The following MAEA variants were observed in gnomAD, a reference collection of about 807,000 sequenced individuals.
MAEA encodes macrophage erythroblast attacher, E3 ubiquitin ligase, also known as E3 ubiquitin-protein transferase MAEA.
In MAEA, 22 loss-of-function variants were observed where a neutral mutation model predicts 46.2. That is an observed-to-expected ratio of 0.48 (90% CI 0.34 to 0.68). The LOEUF (loss-of-function observed/expected upper bound fraction) is 0.68. Among genes scored for constraint, MAEA ranks in the 30% least tolerant of loss-of-function variants. The pLI is 0.01. For synonymous variants in MAEA, 246 were observed against 222.6 expected, an observed-to-expected ratio of 1.11 and a Z score of -0.94; for missense variants, 393 against 558.1, an observed-to-expected ratio of 0.70 and a Z score of 2.98.
Position 1,311,965 on chromosome 4 carries a change from T to C in MAEA, c.70-14T>C, listed in dbSNP as rs896065628. ...CAGGGGAGCAGATCCCTCACCATCC[T>C]CCTTCCTCTCCAGGTGCCCTACGAG... On this transcript the variant is annotated splice_polypyrimidine_tract_variant and intron_variant, in intron 1 of 8. Transcript: ENST00000303400. The surrounding 1 kb of genome is among the most constrained non-coding windows in gnomAD (Gnocchi z 4.4). 15 of 1,599,562 alleles carry C rather than the reference T, an allele frequency of 9.4e-6. No individual in the cohort carries two copies. The highest frequency in any genetic ancestry group is 1.3e-5 in the Non-Finnish European group (15 of 1,169,260).
intron 4 of MAEA, among the ~76,000 whole-genome samples, chr4:1,325,527 C>G (rs1560373066): frequency 6.6e-6 from 1 of 152,220 alleles, no homozygotes; most frequent in African/African-American, 2.4e-5. Flanking sequence ...TTTGAGGTGT[C>G]TATTGTGTGA....
chr4:1,309,819 C>A (rs1736257414), intron 1 of MAEA: 3 of 1,373,498 alleles, frequency 2.2e-6, no homozygotes, highest in Non-Finnish European at 2.8e-6. Context: ...CTGTCTGCAG[C>A]ACACCAGCTG....
chr4:1,315,817 TCCC>T (rs1275771300), intron 3 of MAEA, among the ~76,000 whole-genome samples: 4 of 6,470 alleles, frequency 6.2e-4, no homozygotes, highest in Non-Finnish European at 1.3e-3. Context: ...CGTGTCCCCC[TCCC>T]CCCATGTGCA....
chr4:1,323,412 C>A, intron 4 of MAEA: 1 of 692,422 alleles, frequency 1.4e-6, no homozygotes, highest in African/African-American at 1.8e-5. Context: ...GTCTTCTAAA[C>A]TGAGCGCTGC....
chr4:1,296,523 TTTGCCTTG>T (rs201418151), intron 1 of MAEA, among the ~76,000 whole-genome samples: 4 of 141,446 alleles, frequency 2.8e-5, no homozygotes, highest in African/African-American at 1.2e-4. Flanking sequence ...TGCTGTGCCC[TTTGCCTTG>T]TGGCTGCTCC....
chr4:1,297,052 C>G (rs1310139774), intron 1 of MAEA, among the ~76,000 whole-genome samples: 1 of 152,194 alleles, frequency 6.6e-6, no homozygotes, highest in Non-Finnish European at 1.5e-5. Flanking sequence ...TCCCGGAGCT[C>G]TCTTCGCATG....
rs1264622528 is a variant in MAEA, at chr4:1,311,110, C to G, written c.70-869C>G. ...GCTGGAGAGGAGGCGAGGTGGAGCG[C>G]TTGTTCTGGCACAGCTGCGACGGCA... On this transcript the variant is annotated intron_variant, in intron 1 of 8. Coordinates refer to ENST00000303400, the MANE Select transcript of MAEA (RefSeq NM_001017405.3). The surrounding 1 kb of genome is among the most constrained non-coding windows in gnomAD (Gnocchi z 4.4). Among the ~76,000 whole-genome samples the G allele has an allele frequency of 6.6e-6, 1 of 152,202 alleles. No individual in the cohort carries two copies. The highest frequency in any genetic ancestry group is 2.4e-5 in the African/African-American group (1 of 41,462).
At chr4:1,335,262 G>T in intron 6 of MAEA, 1 of 985,476 alleles carries the variant, frequency 1.0e-6, no homozygotes, top group Non-Finnish European at 1.2e-6. Context: ...CTAATGCTCT[G>T]AGGTGCACTC....
chr4:1,305,773 G>A (rs772186146), intron 1 of MAEA, among the ~76,000 whole-genome samples: 3 of 68,882 alleles, frequency 4.4e-5, no homozygotes, highest in Non-Finnish European at 1.5e-4. Context: ...GCACGCGTGC[G>A]TGTAAGGAGC....
intron 6 of MAEA, chr4:1,335,231 C>T (rs1026532185): frequency 6.1e-6 from 6 of 985,492 alleles, no homozygotes; most frequent in Non-Finnish European, 6.0e-6. Flanking sequence ...CATGATTTCT[C>T]TGAAGTAAGA....
At position 1,292,562 on chromosome 4, in the gene MAEA, G is replaced by A. The variant is rs35811194; in HGVS notation, c.69+2580G>A. Reference sequence around the variant, plus strand: ...GTTTGGGCTGGAGGAGCCTTTGTCGGTGGTGGGGGCTGTGCAGTCTAGGAT... The same window carrying A: ...GTTTGGGCTGGAGGAGCCTTTGTCGATGGTGGGGGCTGTGCAGTCTAGGAT... On this transcript the variant is annotated intron_variant, in intron 1 of 8. Transcript: ENST00000303400. Among the ~76,000 whole-genome samples, 653 of 152,316 alleles carry A rather than the reference G, an allele frequency of 4.3e-3. 21 individuals carry two copies. Among genetic ancestry groups the A allele is most frequent in the Admixed American group, 0.039 (600 of 15,306 alleles).
At chr4:1,328,592 A>G (rs1293899373) in intron 5 of MAEA, 202 of 1,199,384 alleles carry the variant, frequency 1.7e-4, no homozygotes, top group Non-Finnish European at 2.1e-4. Flanking sequence ...GCACCTGTCC[A>G]TGCCCACAGA....
rs764529706 is a variant in MAEA, at chr4:1,315,497, G to A, written c.353G>A (p.Ser118Asn). ...AGCAGCGACCAGCCCGCGGCGGCCA[G>A]CGTGTGGAAGAGGAAGCGCATGGAT... ...EHSSDQPAAA[S>N]VWKRKRMDRM... The change falls in exon 3 of 9, where the codon AGC becomes AAC. Residue 118 changes from serine to asparagine, a missense_variant. Ser to Asn is a conservative substitution (Grantham distance 46, BLOSUM62 1). Coordinates refer to ENST00000303400, the MANE Select transcript of MAEA (RefSeq NM_001017405.3). 4 of 1,613,922 alleles carry A rather than the reference G, an allele frequency of 2.5e-6. No homozygotes were observed. The African/African-American group carries it at 5.3e-5, about 22-fold the overall frequency.
At chr4:1,332,723 G>T (rs760601793) in intron 5 of MAEA, 34 bp from the exon 6 acceptor site, 3 of 1,555,176 alleles carry the variant, frequency 1.9e-6, no homozygotes, top group South Asian at 1.1e-5. Flanking sequence ...AAATTAAAAC[G>T]CAAACTTAAA....
intron 3 of MAEA, among the ~76,000 whole-genome samples, chr4:1,315,928 T>C (rs1452223331): frequency 7.8e-6 from 1 of 128,626 alleles, no homozygotes; most frequent in Non-Finnish European, 1.6e-5. Context: ...GTGTCTGCGC[T>C]GTGGTGAGGG....
intron 5 of MAEA, among the ~76,000 whole-genome samples, chr4:1,328,190 G>A (rs11726179): frequency 0.14 from 21,118 of 152,152 alleles, 2,590 homozygotes; most frequent in East Asian, 0.42. Flanking sequence ...GCCTGTCTCC[G>A]ACCCAAGGGC....
chr4:1,330,501 G>A (rs569258036), intron 5 of MAEA: 3 of 152,014 alleles, frequency 2.0e-5, no homozygotes, highest in African/African-American at 7.2e-5. Context: ...ATTTTTAGTA[G>A]AGATGGGGTT....
At chr4:1,326,499 A>G (rs1400406840) in intron 4 of MAEA, among the ~76,000 whole-genome samples, 4 of 152,032 alleles carry the variant, frequency 2.6e-5, no homozygotes, top group Non-Finnish European at 4.4e-5. Context: ...CCCCAGCCAC[A>G]AGTCTCGGCC....
At chr4:1,315,952 T>C (rs1342644214) in intron 3 of MAEA, among the ~76,000 whole-genome samples, 1 of 130,478 alleles carries the variant, frequency 7.7e-6, no homozygotes, top group Non-Finnish European at 1.6e-5. Context: ...CCTCCCCAGC[T>C]GAGAGGCCCT....
Sources: allele counts gnomAD v4.1 joint callset (sites outside exome capture counted in the v4.1 genomes callset), GRCh38; gene constraint gnomAD v4.1.1; non-coding constraint Gnocchi (gnomAD v3.1); transcripts MANE v1.5; gene names NCBI Gene and HGNC (gene_info 2026-07-23, HGNC 2026-07-21).